ADCY2: variants seen among roughly 807,000 people sequenced by gnomAD.
The protein encoded by ADCY2 is adenylate cyclase 2.
Under a neutral mutation model 125.2 loss-of-function variants are expected in ADCY2, and 31 were observed. The ratio of observed to expected loss-of-function variants is 0.25; its 90% CI spans 0.19 to 0.33. The LOEUF (loss-of-function observed/expected upper bound fraction) is 0.33. ADCY2 is among the 10% of genes least tolerant of loss of function. The probability of loss-of-function intolerance (pLI) is 1.00; values close to 1 mark genes in which losing one functional copy is unlikely to be tolerated. For missense variants in ADCY2, 904 were observed against 1,418.2 expected (o/e 0.64, Z 5.82); for synonymous variants, 512 against 548.4 (o/e 0.93, Z 0.93).
intron 4 of ADCY2, among the ~76,000 whole-genome samples, chr5:7,632,711 T>C (rs138266449): frequency 1.8e-4 from 28 of 152,370 alleles, no homozygotes; most frequent in African/African-American, 6.3e-4. Flanking sequence ...TACTGGTTAC[T>C]TAAATTCTCA....
intron 3 of ADCY2, among the ~76,000 whole-genome samples, chr5:7,526,028 T>A (rs1024326886): frequency 6.6e-6 from 1 of 151,922 alleles, no homozygotes; most frequent in Non-Finnish European, 1.5e-5. Flanking sequence ...CTGATACCCC[T>A]TGCGTGTGTG....
chr5:7,422,367 G>C (rs887796178), intron 2 of ADCY2, among the ~76,000 whole-genome samples: 2 of 152,028 alleles, frequency 1.3e-5, no homozygotes, highest in African/African-American at 4.8e-5. Flanking sequence ...GACAAGCACG[G>C]ATCCACTTCA....
chr5:7,607,096 G>A (rs781663840), intron 3 of ADCY2, among the ~76,000 whole-genome samples: 4 of 152,090 alleles, frequency 2.6e-5, no homozygotes, highest in South Asian at 2.1e-4. Context: ...CACCACCTCA[G>A]CTTCATCTGA....
At chr5:7,726,519 G>A (rs1447247835) in intron 13 of ADCY2, among the ~76,000 whole-genome samples, 1 of 152,130 alleles carries the variant, frequency 6.6e-6, no homozygotes, top group East Asian at 1.9e-4. Flanking sequence ...GACCTAGGTA[G>A]GCAGCTAATG....
At chr5:7,824,476 C>T (rs577558263) in intron 24 of ADCY2, among the ~76,000 whole-genome samples, 52 of 152,308 alleles carry the variant, frequency 3.4e-4, no homozygotes, top group Non-Finnish European at 6.5e-4. Context: ...CAAAAGGCCA[C>T]TTTTGGTGGA....
chr5:7,659,992 T>C (rs1431869888), intron 4 of ADCY2, among the ~76,000 whole-genome samples: 1 of 152,088 alleles, frequency 6.6e-6, no homozygotes, highest in African/African-American at 2.4e-5. Flanking sequence ...TAAATGCACA[T>C]GGACACAAAG....
At chr5:7,516,614 C>T (rs935471502) in intron 2 of ADCY2, among the ~76,000 whole-genome samples, 1 of 152,060 alleles carries the variant, frequency 6.6e-6, no homozygotes, top group Non-Finnish European at 1.5e-5. Flanking sequence ...TTCCACTCGC[C>T]CCTCACCTAA....
chr5:7,532,301 A>T (rs1199442640), intron 3 of ADCY2, among the ~76,000 whole-genome samples: 1 of 152,242 alleles, frequency 6.6e-6, no homozygotes, highest in African/African-American at 2.4e-5. Flanking sequence ...AGAGTTTCAT[A>T]GGATTTTCAG....
chr5:7,690,388 T>C (rs1301971182), intron 4 of ADCY2, among the ~76,000 whole-genome samples: 1 of 152,214 alleles, frequency 6.6e-6, no homozygotes, highest in Non-Finnish European at 1.5e-5. Flanking sequence ...TTGTTTCTGC[T>C]TTGCTACTTT....
intron 2 of ADCY2, among the ~76,000 whole-genome samples, chr5:7,457,726 T>C (rs893280944): frequency 6.6e-6 from 1 of 152,196 alleles, no homozygotes; most frequent in African/African-American, 2.4e-5. Context: ...TCTGGCCCTC[T>C]GTTCTGTAGT....
rs1741370396 is a variant in ADCY2 at position 7,709,497 on chromosome 5, T to C, written c.1578+110T>C. ...TAACTCCTTTCTGTAAGAAACAAAC[T>C]TATCACCTTCTTCTTCTCAGAGAGG... On this transcript the variant is annotated intron_variant, in intron 10 of 24. Coordinates refer to ENST00000338316, the MANE Select transcript of ADCY2 (RefSeq NM_020546.3). The surrounding 1 kb of genome is among the most constrained non-coding windows in gnomAD (Gnocchi z 4.4). 1 of 1,266,732 alleles carries C rather than the reference T, an allele frequency of 7.9e-7. No individual in the cohort carries two copies. The highest frequency in any genetic ancestry group is 1.1e-6 in the Non-Finnish European group (1 of 943,600). The allele number at this position is 1,266,732 out of a possible 1,614,324, so 78.5% of individuals were successfully genotyped here. A position where few individuals can be genotyped will look rare whatever the true frequency, so the allele number is the denominator to read the frequency against.
intron 1 of ADCY2, among the ~76,000 whole-genome samples, chr5:7,400,557 C>G (rs1306023185): frequency 6.6e-6 from 1 of 152,166 alleles, no homozygotes; most frequent in Non-Finnish European, 1.5e-5. Flanking sequence ...TCTTTCAGCA[C>G]CCCCAATAGG....
chr5:7,520,714 ATTG>A (rs1473703695), intron 2 of ADCY2, 21 bp from the exon 3 acceptor site: 1 of 1,613,144 alleles, frequency 6.2e-7, no homozygotes, highest in Non-Finnish European at 8.5e-7. Flanking sequence ...GGTGACTCTT[ATTG>A]TTCTTCTTCT....
rs551279024 is a variant in ADCY2 at position 7,421,079 on chromosome 5, G to A, written c.408+6309G>A. 9.9e-5 allele frequency among the ~76,000 whole-genome samples: 15 copies of A among 152,062 alleles called. No individual in the cohort carries two copies. In the South Asian group the frequency reaches 2.5e-3, roughly 25 times the overall value. On this transcript the variant is annotated intron_variant, in intron 2 of 24. Transcript: ENST00000338316. ...GATTTCTACCCATAATTGCTGTGGC[G>A]CCCACCAGTCCCACCGGAAGGAACA...
intron 3 of ADCY2, among the ~76,000 whole-genome samples, chr5:7,607,533 G>A (rs529389105): frequency 6.6e-6 from 1 of 152,206 alleles, no homozygotes; most frequent in Admixed American, 6.5e-5. Context: ...CTGCACCCCT[G>A]AGGACCCATG....
Position 7,635,065 on chromosome 5 carries a change from G to C in ADCY2, c.720+8749G>C, listed in dbSNP as rs566011593. Among the ~76,000 whole-genome samples the C allele has an allele frequency of 1.6e-4, 24 of 152,298 alleles. No homozygotes were observed. In the South Asian group the frequency reaches 5.0e-3, roughly 32 times the overall value. ...TCCTGAGTCAGGAGCCAGGTGGCCTGTTTGAGAAACATAGGGGTCAGTGGG... is the reference window on the plus strand; with the variant it reads ...TCCTGAGTCAGGAGCCAGGTGGCCTCTTTGAGAAACATAGGGGTCAGTGGG... On this transcript the variant is annotated intron_variant, in intron 4 of 24. Coordinates refer to ENST00000338316, the MANE Select transcript of ADCY2 (RefSeq NM_020546.3).
At chr5:7,733,369 C>T (rs145166288) in intron 14 of ADCY2, among the ~76,000 whole-genome samples, 36 of 152,188 alleles carry the variant, frequency 2.4e-4, no homozygotes, top group African/African-American at 7.9e-4. Flanking sequence ...AGTCTCGCTG[C>T]GGGATTAGAT....
intron 22 of ADCY2, among the ~76,000 whole-genome samples, chr5:7,806,313 T>TA (rs1005991584): frequency 1.5e-4 from 23 of 148,752 alleles, no homozygotes; most frequent in African/African-American, 2.0e-4. Context: ...CATTGACCAT[T>TA]AAAAAAAAAA....
At chr5:7,565,600 T>C (rs1205054355) in intron 3 of ADCY2, among the ~76,000 whole-genome samples, 1 of 152,214 alleles carries the variant, frequency 6.6e-6, no homozygotes, top group Non-Finnish European at 1.5e-5. Flanking sequence ...AATTGTAGTT[T>C]GAGCTACAAA....
Sources: allele counts gnomAD v4.1 joint callset (sites outside exome capture counted in the v4.1 genomes callset), GRCh38; gene constraint gnomAD v4.1.1; non-coding constraint Gnocchi (gnomAD v3.1); transcripts MANE v1.5; gene names NCBI Gene and HGNC (gene_info 2026-07-23, HGNC 2026-07-21).